PLEKHF2: variants seen among roughly 807,000 people sequenced by gnomAD.
The protein encoded by PLEKHF2 is pleckstrin homology domain-containing family F member 2.
Under a neutral mutation model 14.7 loss-of-function variants are expected in PLEKHF2, and 4 were observed. The observed-to-expected ratio is 0.27, with a 90% CI of 0.13 to 0.62. PLEKHF2 has a LOEUF of 0.62. Among genes scored for constraint, PLEKHF2 ranks in the 20% least tolerant of loss-of-function variants. PLEKHF2 has a pLI of 0.85. For missense variants in PLEKHF2, 201 were observed against 307.7 expected, an observed-to-expected ratio of 0.65 and a Z score of 2.60; for synonymous variants, 90 against 103.5, an observed-to-expected ratio of 0.87 and a Z score of 0.79.
chr8:95,142,680 G>A (rs17729999), intron 1 of PLEKHF2, among the ~76,000 whole-genome samples: 7,639 of 152,198 alleles, frequency 0.05, 202 homozygotes, highest in Middle Eastern at 0.076. Flanking sequence ...AAATATGCAC[G>A]TAATCATCAT....
intron 1 of PLEKHF2, among the ~76,000 whole-genome samples, chr8:95,135,757 TC>T (rs1810368183): frequency 6.6e-6 from 1 of 152,226 alleles, no homozygotes; most frequent in South Asian, 2.1e-4. Context: ...TTAACTGAGA[TC>T]TTATGACTCT....
chr8:95,138,384 G>T (rs60144755), intron 1 of PLEKHF2, among the ~76,000 whole-genome samples: 10,318 of 116,086 alleles, frequency 0.089, 548 homozygotes, highest in Middle Eastern at 0.18. Flanking sequence ...TTCAGAAGTG[G>T]AACTATTTTT....
At position 95,156,525 on chromosome 8, in the gene PLEKHF2, T is replaced by C. The variant is rs188023975; in HGVS notation, c.*1731T>C. 3 of 167,146 alleles carry C rather than the reference T, an allele frequency of 1.8e-5. No homozygotes were observed. The East Asian group carries it at 5.8e-4, about 32-fold the overall frequency. 10.4% of individuals were successfully genotyped at this position (167,146 alleles called of 1,614,324 possible). A position where few individuals can be genotyped will look rare whatever the true frequency, so the allele number is the denominator to read the frequency against. On this transcript the variant is annotated 3_prime_UTR_variant, in exon 2 of 2. Transcript: ENST00000315367. ...AATATATACATAAAATCAACCAACA[T>C]ATCTGAAAAGGATCATGAAACCTGA...
At chr8:95,152,369 A>G (rs1810572802) in intron 1 of PLEKHF2, among the ~76,000 whole-genome samples, 1 of 152,100 alleles carries the variant, frequency 6.6e-6, no homozygotes, top group Non-Finnish European at 1.5e-5. Context: ...AGATTGGTGA[A>G]TACACATATT....
chr8:95,145,564 C>T lies in PLEKHF2; in HGVS notation c.-14-8467C>T, dbSNP rs1331289709. Among the ~76,000 whole-genome samples, 3 of 151,974 alleles carry T rather than the reference C, an allele frequency of 2.0e-5. No homozygotes were observed. The East Asian group carries it at 5.8e-4, about 29-fold the overall frequency. On this transcript the variant is annotated intron_variant, in intron 1 of 1. Transcript: ENST00000315367. ...TCAGCCTCCCGAGTAGCTGGGACTACAGGCACCCACCACCACGCCTGGCTA... is the reference window on the plus strand; with the variant it reads ...TCAGCCTCCCGAGTAGCTGGGACTATAGGCACCCACCACCACGCCTGGCTA...
At chr8:95,139,854 T>TTTGGCAGGTTA (rs1345484537) in intron 1 of PLEKHF2, among the ~76,000 whole-genome samples, 4 of 152,068 alleles carry the variant, frequency 2.6e-5, no homozygotes, top group Non-Finnish European at 4.4e-5. Flanking sequence ...ATTGTGACCT[T>TTTGGCAGGTTA]TTGGCAGGTT....
chr8:95,152,014 C>T (rs1340684422), intron 1 of PLEKHF2, among the ~76,000 whole-genome samples: 7 of 152,138 alleles, frequency 4.6e-5, no homozygotes, highest in African/African-American at 1.7e-4. Context: ...CAACGGTATG[C>T]TGTGGTTTAA....
intron 1 of PLEKHF2, among the ~76,000 whole-genome samples, chr8:95,140,889 C>A (rs917589680): frequency 1.6e-4 from 25 of 152,086 alleles, no homozygotes; most frequent in African/African-American, 5.6e-4. Context: ...TAATTGTATA[C>A]CTCAGTTTAT....
rs1032972846 is a variant in PLEKHF2, at chr8:95,155,012, CAGATA to C, written c.*220_*224del. The C allele has an allele frequency of 7.9e-6, 4 of 505,018 alleles. No homozygotes were observed. The highest frequency in any genetic ancestry group is 1.4e-5 in the Non-Finnish European group (4 of 285,020). The allele number at this position is 505,018 out of a possible 1,614,324, so 31.3% of individuals were successfully genotyped here. A position where few individuals can be genotyped will look rare whatever the true frequency, so the allele number is the denominator to read the frequency against. On this transcript the variant is annotated 3_prime_UTR_variant, in exon 2 of 2. Coordinates refer to ENST00000315367, the MANE Select transcript of PLEKHF2 (RefSeq NM_024613.4). ...CAGGGATAGGCTTTTGCAAATATAT[CAGATA>C]AATTTTTTGTTTCTTGTTTATTTTT...
intron 1 of PLEKHF2, among the ~76,000 whole-genome samples, chr8:95,141,470 C>A (rs771659762): frequency 6.6e-6 from 1 of 152,082 alleles, no homozygotes; most frequent in African/African-American, 2.4e-5. Context: ...TGTTATTTTT[C>A]CCCCCTTTTC....
intron 1 of PLEKHF2, among the ~76,000 whole-genome samples, chr8:95,148,924 A>G (rs1417784389): frequency 6.6e-6 from 1 of 152,110 alleles, no homozygotes; most frequent in South Asian, 2.1e-4. Flanking sequence ...TGGAAGAAAA[A>G]TAGCGCAAAG....
chr8:95,140,645 C>A lies in PLEKHF2; in HGVS notation c.-15+6615C>A, dbSNP rs28454923. ...ATAGTCTTGTGTACCATCATCCATC[C>A]CCAAACCCCAGATAGTTTGAGCTAC... On this transcript the variant is annotated intron_variant, in intron 1 of 1. Transcript: ENST00000315367. 3.2e-3 allele frequency among the ~76,000 whole-genome samples: 491 copies of A among 152,276 alleles called. 2 individuals are homozygous for A. Among genetic ancestry groups the A allele is most frequent in the African/African-American group, 0.011 (463 of 41,552 alleles).
At position 95,155,963 on chromosome 8, in the gene PLEKHF2, A is replaced by G. The variant is rs1810614455; in HGVS notation, c.*1169A>G. On this transcript the variant is annotated 3_prime_UTR_variant, in exon 2 of 2. Transcript: ENST00000315367. ...CTATTTTTGTAAAACAATTGTATGT[A>G]TAATCTGTATTTGAAATCATTTTGC... 1 of 167,076 alleles carries G rather than the reference A, an allele frequency of 6.0e-6. No individual in the cohort carries two copies. 10.3% of individuals were successfully genotyped at this position (167,076 alleles called of 1,614,324 possible).
chr8:95,145,317 G>C (rs1057054676), intron 1 of PLEKHF2, among the ~76,000 whole-genome samples: 1 of 152,114 alleles, frequency 6.6e-6, no homozygotes, highest in Non-Finnish European at 1.5e-5. Flanking sequence ...CTGTGTAATC[G>C]GTTGGCCACA....
At position 95,154,025 on chromosome 8, in the gene PLEKHF2, T is replaced by A. The variant is rs751236365; in HGVS notation, c.-14-6T>A. ...TGTGCTAATTTCTTTTTCTTTTTTTTAAAAGGCTATTAGTGAAAGATGGTG... is the reference window on the plus strand; with the variant it reads ...TGTGCTAATTTCTTTTTCTTTTTTTAAAAAGGCTATTAGTGAAAGATGGTG... On this transcript the variant is annotated splice_region_variant and splice_polypyrimidine_tract_variant and intron_variant, in intron 1 of 1. Coordinates refer to ENST00000315367, the MANE Select transcript of PLEKHF2 (RefSeq NM_024613.4). This position sits in a 1 kb window ranked among gnomAD's most constrained non-coding sequence, Gnocchi z 5.6. 3.9e-5 allele frequency: 59 copies of A among 1,497,196 alleles called. No homozygotes were observed. The highest frequency in any genetic ancestry group is 4.4e-5 in the Non-Finnish European group (49 of 1,122,146). 92.7% of individuals were successfully genotyped at this position (1,497,196 alleles called of 1,614,324 possible).
intron 1 of PLEKHF2, among the ~76,000 whole-genome samples, chr8:95,147,226 C>G (rs1316754098): frequency 1.3e-5 from 2 of 151,878 alleles, no homozygotes; most frequent in Non-Finnish European, 2.9e-5. Context: ...CTACATGTTA[C>G]AATTATCTGA....
intron 1 of PLEKHF2, among the ~76,000 whole-genome samples, chr8:95,135,199 G>C (rs1045681567): frequency 2.6e-5 from 4 of 152,104 alleles, no homozygotes; most frequent in Non-Finnish European, 5.9e-5. Context: ...AAAATATTCA[G>C]CCTCAGTAAA....
Position 95,139,233 on chromosome 8 carries a change from G to C in PLEKHF2, c.-15+5203G>C, listed in dbSNP as rs553347912. Reference sequence around the variant, plus strand: ...ATATTACAAATGTTGGCCGGGTGCGGTGGCTCACACCTGTAATCCCAGCCC... The same window carrying C: ...ATATTACAAATGTTGGCCGGGTGCGCTGGCTCACACCTGTAATCCCAGCCC... On this transcript the variant is annotated intron_variant, in intron 1 of 1. Transcript: ENST00000315367. Among the ~76,000 whole-genome samples the C allele has an allele frequency of 1.2e-3, 186 of 152,270 alleles. 1 individual carries two copies. The highest frequency in any genetic ancestry group is 2.3e-3 in the Non-Finnish European group (157 of 68,028).
intron 1 of PLEKHF2, among the ~76,000 whole-genome samples, chr8:95,143,477 CT>C (rs1810459149): frequency 6.6e-6 from 1 of 152,146 alleles, no homozygotes; most frequent in African/African-American, 2.4e-5. Flanking sequence ...AACAAATAGA[CT>C]ATAAGTGCTA....
Sources: allele counts gnomAD v4.1 joint callset (sites outside exome capture counted in the v4.1 genomes callset), GRCh38; gene constraint gnomAD v4.1.1; non-coding constraint Gnocchi (gnomAD v3.1); transcripts MANE v1.5; gene names NCBI Gene and HGNC (gene_info 2026-07-23, HGNC 2026-07-21).